Variants in EIF4E observed in about 807,000 individuals in gnomAD.
The protein encoded by EIF4E is eIF-4F 25 kDa subunit.
For synonymous variants in EIF4E, 71 were observed against 88.5 expected, an observed-to-expected ratio of 0.80 and a Z score of 1.11; for missense variants, 113 against 265.6, an observed-to-expected ratio of 0.43 and a Z score of 3.99.
At chr4:98,885,181 T>C (rs887704603) in intron 5 of EIF4E, 120 bp from the exon 6 acceptor site, 2 of 1,184,580 alleles carry the variant, frequency 1.7e-6, no homozygotes, top group Admixed American at 4.7e-5. Context: ...GTTAATTTTT[T>C]AAATGTGTAA....
chr4:98,918,629 G>A (rs1383226549), intron 1 of EIF4E, among the ~76,000 whole-genome samples: 1 of 152,068 alleles, frequency 6.6e-6, no homozygotes, highest in African/African-American at 2.4e-5. Context: ...ATTTATCCCA[G>A]TAATGTTTGA....
chr4:98,909,603 CT>C, intron 1 of EIF4E: 2 of 682,966 alleles, frequency 2.9e-6, no homozygotes. Flanking sequence ...CTTCCAAGTC[CT>C]TTTCACTTTC....
intron 1 of EIF4E, among the ~76,000 whole-genome samples, chr4:98,915,496 T>C (rs868259494): frequency 6.6e-6 from 1 of 152,032 alleles, no homozygotes; most frequent in Non-Finnish European, 1.5e-5. Context: ...TCCAATAATC[T>C]GCCCATCCCC....
chr4:98,888,087 A>G, intron 3 of EIF4E, 135 bp from the exon 4 acceptor site: 1 of 745,622 alleles, frequency 1.3e-6, no homozygotes, highest in East Asian at 2.9e-5. Context: ...CTAAGGAGTC[A>G]ATTTCTAAAA....
intron 6 of EIF4E, 77 bp from the exon 7 acceptor site, chr4:98,881,219 G>A (rs1288870634): frequency 1.7e-5 from 26 of 1,533,290 alleles, no homozygotes; most frequent in Non-Finnish European, 2.1e-5. Context: ...AAAAATTTAG[G>A]GTTATTAGTC....
chr4:98,916,950 G>C (rs1267222805), intron 1 of EIF4E, among the ~76,000 whole-genome samples: 1 of 152,124 alleles, frequency 6.6e-6, no homozygotes, highest in Non-Finnish European at 1.5e-5. Flanking sequence ...ATCCAGGGAA[G>C]ACAAATGTTT....
intron 2 of EIF4E, among the ~76,000 whole-genome samples, chr4:98,898,602 C>T (rs1317588952): frequency 6.6e-6 from 1 of 151,394 alleles, no homozygotes; most frequent in East Asian, 1.9e-4. Flanking sequence ...GGCAAAAATG[C>T]TGTTCTTCCC....
rs1278746584 is a variant in EIF4E at position 98,905,637 on chromosome 4, G to A, written c.19-3655C>T. On this transcript the variant is annotated intron_variant, in intron 1 of 6. Coordinates refer to ENST00000450253, the MANE Select transcript of EIF4E (RefSeq NM_001968.5). ...AAGAGATTAAATACAAATGGCAAGT[G>A]AGGGAAGAGAAAAAGATAACCAATT... 3.3e-5 allele frequency among the ~76,000 whole-genome samples: 5 copies of A among 152,178 alleles called. No homozygotes were observed. The East Asian group carries it at 7.7e-4, about 23-fold the overall frequency.
intron 6 of EIF4E, among the ~76,000 whole-genome samples, chr4:98,881,928 C>T (rs1466770874): frequency 6.6e-6 from 1 of 152,056 alleles, no homozygotes; most frequent in Non-Finnish European, 1.5e-5. Context: ...GAAGTCTTCC[C>T]CTTTAAATAT....
At chr4:98,899,197 C>T (rs1352350069) in intron 2 of EIF4E, among the ~76,000 whole-genome samples, 3 of 151,574 alleles carry the variant, frequency 2.0e-5, no homozygotes, top group Non-Finnish European at 4.4e-5. Context: ...TGGAAATAAA[C>T]TTGAAAAGAT....
At chr4:98,886,855 G>C in intron 5 of EIF4E, 1 of 503,540 alleles carries the variant, frequency 2.0e-6, no homozygotes, top group Non-Finnish European at 3.6e-6. Flanking sequence ...TGTGGTGAGA[G>C]TCAACTGCCA....
chr4:98,887,303 A>G lies in EIF4E; in HGVS notation c.286-111T>C, dbSNP rs1560634642. The G allele has an allele frequency of 1.8e-6, 2 of 1,113,194 alleles. No individual in the cohort carries two copies. The highest frequency in any genetic ancestry group is 3.1e-5 in the African/African-American group (2 of 65,294). 69.0% of individuals were successfully genotyped at this position (1,113,194 alleles called of 1,614,324 possible). ...CTGTCAACTTCTTACTTTATTGCCC[A>G]TAAAACTGCCATTGATGTAGTTTTT... On this transcript the variant is annotated intron_variant, in intron 4 of 6. Coordinates refer to ENST00000450253, the MANE Select transcript of EIF4E (RefSeq NM_001968.5). The surrounding 1 kb of genome is among the most constrained non-coding windows in gnomAD (Gnocchi z 4.0).
At chr4:98,905,569 C>G (rs961173483) in intron 1 of EIF4E, among the ~76,000 whole-genome samples, 2 of 151,992 alleles carry the variant, frequency 1.3e-5, no homozygotes, top group African/African-American at 4.8e-5. Context: ...TAAAAGTGTA[C>G]CTTTCATCTT....
chr4:98,903,491 A>C, intron 1 of EIF4E: 1 of 455,852 alleles, frequency 2.2e-6, no homozygotes, highest in Non-Finnish European at 4.4e-6. Context: ...ACAGATAGGC[A>C]CCATGATACC....
At position 98,898,246 on chromosome 4, in the gene EIF4E, C is replaced by T. The variant is rs1421081580; in HGVS notation, c.125+3630G>A. 5.9e-5 allele frequency among the ~76,000 whole-genome samples: 9 copies of T among 152,290 alleles called. No homozygotes were observed. The East Asian group carries it at 1.7e-3, about 29-fold the overall frequency. On this transcript the variant is annotated intron_variant, in intron 2 of 6. Coordinates refer to ENST00000450253, the MANE Select transcript of EIF4E (RefSeq NM_001968.5). ...GAGGCTGTATTGTCTTCTTATACTT[C>T]CAATGAAACATCTTAACTCCATAGA...
intron 6 of EIF4E, among the ~76,000 whole-genome samples, chr4:98,884,150 T>C (rs920289250): frequency 1.3e-5 from 2 of 152,144 alleles, no homozygotes; most frequent in Non-Finnish European, 2.9e-5. Flanking sequence ...ATATGTTATA[T>C]AAATTTTAAT....
intron 1 of EIF4E, among the ~76,000 whole-genome samples, chr4:98,910,774 G>C (rs1006576547): frequency 6.6e-6 from 1 of 151,260 alleles, no homozygotes; most frequent in Non-Finnish European, 1.5e-5. Flanking sequence ...CTGCCACACA[G>C]GCTGGAGTGC....
intron 1 of EIF4E, chr4:98,925,889 G>C (rs1271540187): frequency 6.6e-6 from 1 of 151,588 alleles, no homozygotes; most frequent in African/African-American, 2.4e-5. Context: ...ATCCAGGCGA[G>C]GCTCGGTGGC....
chr4:98,886,999 C>T (rs1336259674), intron 5 of EIF4E, 80 bp downstream of exon 5: 32 of 1,425,664 alleles, frequency 2.2e-5, no homozygotes, highest in Non-Finnish European at 2.9e-5. Context: ...AATTAAGTAA[C>T]AAATGTAAAA....
Sources: gnomAD v4.1 joint callset for allele counts (sites outside exome capture counted in the v4.1 genomes callset) on GRCh38, gnomAD v4.1.1 for gene constraint, Gnocchi (gnomAD v3.1) non-coding constraint, MANE v1.5 for transcripts, NCBI Gene and HGNC (gene_info 2026-07-23, HGNC 2026-07-21) for gene names.